The following PPP1R1C variants were observed in gnomAD, a reference collection of about 807,000 sequenced individuals.
PPP1R1C encodes the protein protein phosphatase 1 regulatory inhibitor subunit 1C.
PPP1R1C carries 15 observed loss-of-function variants against 17.4 expected under a neutral mutation model. The observed-to-expected ratio is 0.86, with a 90% CI of 0.58 to 1.33. The LOEUF (loss-of-function observed/expected upper bound fraction) is 1.33. Ranked by LOEUF, PPP1R1C falls within the 40% of genes most tolerant of loss-of-function variation. The pLI is 0.00. For missense variants in PPP1R1C, 143 were observed against 130.0 expected (o/e 1.10, Z -0.48); for synonymous variants, 35 against 43.1 (o/e 0.81, Z 0.73).
chr2:182,045,194 G>A (rs1687307181), intron 2 of PPP1R1C, among the ~76,000 whole-genome samples: 1 of 152,140 alleles, frequency 6.6e-6, no homozygotes, highest in Non-Finnish European at 1.5e-5. Context: ...TTCGGGATAG[G>A]TAAAAATAGC....
intron 4 of PPP1R1C, among the ~76,000 whole-genome samples, chr2:182,096,717 A>T (rs1206666955): frequency 6.6e-6 from 1 of 152,102 alleles, no homozygotes; most frequent in African/African-American, 2.4e-5. Context: ...ATCTCCCAAC[A>T]GTGAGAGTGA....
chr2:182,041,350 T>C (rs996734941), intron 2 of PPP1R1C, among the ~76,000 whole-genome samples: 5 of 152,180 alleles, frequency 3.3e-5, no homozygotes, highest in African/African-American at 1.2e-4. Context: ...AGCTCACGCC[T>C]GTAATCCCAG....
chr2:181,977,322 A>G (rs1685111817), intron 2 of PPP1R1C, among the ~76,000 whole-genome samples: 1 of 151,794 alleles, frequency 6.6e-6, no homozygotes, highest in African/African-American at 2.4e-5. Context: ...AACTCTCTTC[A>G]ATCTTTATTT....
At chr2:181,997,489 A>C (rs16867523) in intron 2 of PPP1R1C, among the ~76,000 whole-genome samples, 4,482 of 152,292 alleles carry the variant, frequency 0.029, 225 homozygotes, top group African/African-American at 0.1. Flanking sequence ...TTTTGTTTCT[A>C]ACATCTTGAA....
chr2:182,086,222 G>A (rs1045057845), intron 4 of PPP1R1C, among the ~76,000 whole-genome samples: 11 of 152,036 alleles, frequency 7.2e-5, no homozygotes, highest in African/African-American at 2.7e-4. Context: ...AAGTTAAGCT[G>A]TCATAAGCTA....
intron 4 of PPP1R1C, among the ~76,000 whole-genome samples, chr2:182,116,866 G>T (rs955894650): frequency 6.6e-6 from 1 of 152,126 alleles, no homozygotes; most frequent in Non-Finnish European, 1.5e-5. Flanking sequence ...ATTGAGGGAT[G>T]CCAAAAGCAA....
chr2:182,048,488 A>G (rs1375794931), intron 2 of PPP1R1C, among the ~76,000 whole-genome samples: 2 of 152,262 alleles, frequency 1.3e-5, no homozygotes, highest in Non-Finnish European at 2.9e-5. Flanking sequence ...ATCCTCTGCT[A>G]TACGTAAGAA....
chr2:182,024,163 ATAAT>A (rs1182094087), intron 2 of PPP1R1C, among the ~76,000 whole-genome samples: 1 of 152,230 alleles, frequency 6.6e-6, no homozygotes, highest in Non-Finnish European at 1.5e-5. Flanking sequence ...TTTCTAAAAA[ATAAT>A]TAATGATGAA....
Position 182,036,000 on chromosome 2 carries a change from C to T in PPP1R1C, c.143-25442C>T, listed in dbSNP as rs191767392. Among the ~76,000 whole-genome samples the T allele has an allele frequency of 9.5e-4, 145 of 152,250 alleles. 3 individuals carry two copies. The highest frequency in any genetic ancestry group is 2.6e-4 in the Non-Finnish European group (18 of 68,014). On this transcript the variant is annotated intron_variant, in intron 2 of 4. Coordinates refer to ENST00000682840, the MANE Select transcript of PPP1R1C (RefSeq NM_001080545.3). ...TTCATTGTGTGTTTATACACACACA[C>T]ACACACACACATTTGCTTTTCCACA...
intron 3 of PPP1R1C, among the ~76,000 whole-genome samples, chr2:182,061,825 G>A (rs192517774): frequency 1.3e-5 from 2 of 152,200 alleles, no homozygotes; most frequent in East Asian, 3.9e-4. Context: ...TGGGGTTGGA[G>A]GGATGACACC....
At chr2:182,110,462 C>A (rs576104473) in intron 4 of PPP1R1C, among the ~76,000 whole-genome samples, 1 of 152,136 alleles carries the variant, frequency 6.6e-6, no homozygotes, top group East Asian at 1.9e-4. Flanking sequence ...AGAGGTTTTC[C>A]TTGGTGAGCT....
downstream of PPP1R1C, among the ~76,000 whole-genome samples, chr2:182,119,314 AT>A (rs376450765): frequency 7.0e-4 from 107 of 152,196 alleles, no homozygotes; most frequent in East Asian, 0.02. Context: ...ATTGTTGGAC[AT>A]TTGGGTTGGT....
At chr2:181,994,937 A>G (rs1685572212) in intron 2 of PPP1R1C, among the ~76,000 whole-genome samples, 2 of 152,186 alleles carry the variant, frequency 1.3e-5, no homozygotes, top group African/African-American at 4.8e-5. Flanking sequence ...CTAAAATTTT[A>G]CTGTTTATTC....
rs532284307 is a variant in PPP1R1C at position 182,100,596 on chromosome 2, G to A, written c.242-16611G>A. On this transcript the variant is annotated intron_variant, in intron 4 of 4. Transcript: ENST00000682840. ...AAGTACAATTGGCTTAGGCAAAAGG[G>A]AAATTTATTGAAAGATTACTTGGTC... Among the ~76,000 whole-genome samples, 286 of 152,140 alleles carry A rather than the reference G, an allele frequency of 1.9e-3. 1 individual carries two copies. Among genetic ancestry groups the A allele is most frequent in the African/African-American group, 6.8e-3 (281 of 41,508 alleles).
upstream of PPP1R1C, among the ~76,000 whole-genome samples, chr2:181,980,927 GTT>G (rs34675053): frequency 8.8e-5 from 12 of 135,738 alleles, no homozygotes; most frequent in Admixed American, 1.5e-4. Context: ...ATAAGGAGAA[GTT>G]TTTTTTTTTT....
intron 2 of PPP1R1C, among the ~76,000 whole-genome samples, chr2:182,010,412 C>A (rs2125155059): frequency 6.6e-6 from 1 of 151,816 alleles, no homozygotes; most frequent in Admixed American, 6.6e-5. Context: ...TCCCTGATTC[C>A]TTTTACAGAT....
chr2:182,035,062 A>G (rs1309568670), intron 2 of PPP1R1C, among the ~76,000 whole-genome samples: 1 of 152,212 alleles, frequency 6.6e-6, no homozygotes, highest in Admixed American at 6.5e-5. Flanking sequence ...CTTGTTGCTC[A>G]ATAAATGCTT....
At chr2:182,081,301 C>A (rs2125213535) in intron 4 of PPP1R1C, among the ~76,000 whole-genome samples, 1 of 152,278 alleles carries the variant, frequency 6.6e-6, no homozygotes, top group Admixed American at 6.5e-5. Flanking sequence ...AAGCATTCAA[C>A]AAATAGCGGC....
chr2:182,046,050 A>G (rs569200659), intron 2 of PPP1R1C, among the ~76,000 whole-genome samples: 1 of 152,212 alleles, frequency 6.6e-6, no homozygotes, highest in Admixed American at 6.5e-5. Flanking sequence ...TAACAAACCA[A>G]GTATCTCATA....
Sources: gnomAD v4.1 joint callset for allele counts (sites outside exome capture counted in the v4.1 genomes callset) on GRCh38, gnomAD v4.1.1 for gene constraint, MANE v1.5 for transcripts, NCBI Gene and HGNC (gene_info 2026-07-23, HGNC 2026-07-21) for gene names.